Variants in IGFBP7 observed in about 807,000 individuals in gnomAD.
IGFBP7 encodes insulin like growth factor binding protein 7.
IGFBP7 carries 31 observed loss-of-function variants against 29.4 expected under a neutral mutation model. That is an observed-to-expected ratio of 1.05 (90% CI 0.79 to 1.42). The LOEUF (loss-of-function observed/expected upper bound fraction) is 1.42, where lower values mean the gene tolerates loss of function less well. IGFBP7 is among the 40% of genes most tolerant of loss of function. The pLI, the probability that IGFBP7 is intolerant of heterozygous loss-of-function variation, is 0.00. For synonymous variants in IGFBP7, 172 were observed against 174.9 expected (o/e 0.98, Z 0.13); for missense variants, 393 against 395.5 (o/e 0.99, Z 0.05).
In IGFBP7 at chr4:57,031,355, AGAT is replaced by A; in HGVS notation, c.830-22_830-20del. The A allele has an allele frequency of 2.5e-6, 4 of 1,574,150 alleles. No individual in the cohort carries two copies. Among genetic ancestry groups the A allele is most frequent in the African/African-American group, 1.3e-5 (1 of 74,120 alleles). On this transcript the variant is annotated intron_variant, in intron 4 of 4. Coordinates refer to ENST00000295666, the MANE Select transcript of IGFBP7 (RefSeq NM_001553.3). ...CCTTCACCTGTTTAAAAAAAAAAAA[AGAT>A]AAAAATTAGTTACATATGGGGATGT...
At chr4:57,080,778 C>T (rs945036187) in intron 1 of IGFBP7, among the ~76,000 whole-genome samples, 1 of 152,148 alleles carries the variant, frequency 6.6e-6, no homozygotes, top group African/African-American at 2.4e-5. Flanking sequence ...CCGTGCACAC[C>T]GATCCAGGAA....
chr4:57,064,043 C>T (rs1724859708), intron 1 of IGFBP7, among the ~76,000 whole-genome samples: 3 of 152,160 alleles, frequency 2.0e-5, no homozygotes, highest in South Asian at 2.1e-4. Flanking sequence ...TTTAGAGTAA[C>T]GATTGAAAAC....
chr4:57,074,039 A>ATCTC (rs10569950), intron 1 of IGFBP7, among the ~76,000 whole-genome samples: 182 of 107,530 alleles, frequency 1.7e-3, no homozygotes, highest in South Asian at 2.8e-3. Flanking sequence ...TGGAAAATGC[A>ATCTC]TCTCTCTCTC....
intron 1 of IGFBP7, among the ~76,000 whole-genome samples, chr4:57,050,148 A>G (rs1724466866): frequency 1.3e-5 from 2 of 151,956 alleles, no homozygotes; most frequent in Admixed American, 1.3e-4. Flanking sequence ...GGTCTGCTGG[A>G]AGAAAATGAT....
chr4:57,033,693 T>C (rs1041313859), intron 2 of IGFBP7, among the ~76,000 whole-genome samples: 7 of 152,164 alleles, frequency 4.6e-5, no homozygotes, highest in Admixed American at 3.3e-4. Context: ...AGCACTAGGT[T>C]TGATGCTTGG....
At chr4:57,095,731 C>G (rs1458845905) in intron 1 of IGFBP7, among the ~76,000 whole-genome samples, 1 of 152,192 alleles carries the variant, frequency 6.6e-6, no homozygotes, top group East Asian at 1.9e-4. Flanking sequence ...TAGAGAGTAA[C>G]TATAAGGGAT....
intron 1 of IGFBP7, among the ~76,000 whole-genome samples, chr4:57,098,807 G>A (rs1725826858): frequency 6.6e-6 from 1 of 152,200 alleles, no homozygotes; most frequent in Non-Finnish European, 1.5e-5. Context: ...TTGGAAGCCA[G>A]GGGTGCAGTG....
chr4:57,033,062 G>T, intron 3 of IGFBP7, 133 bp downstream of exon 3: 1 of 767,758 alleles, frequency 1.3e-6, no homozygotes, highest in South Asian at 1.4e-5. Flanking sequence ...GCGACTCCAT[G>T]GTAAGGCTAT....
chr4:57,084,893 T>C (rs752503472), intron 1 of IGFBP7, among the ~76,000 whole-genome samples: 1 of 147,166 alleles, frequency 6.8e-6, no homozygotes, highest in Non-Finnish European at 1.5e-5. Context: ...TGGGCTCAGT[T>C]TGTCCTACCA....
intron 1 of IGFBP7, among the ~76,000 whole-genome samples, chr4:57,074,340 C>T (rs777512581): frequency 1.3e-5 from 2 of 152,180 alleles, no homozygotes; most frequent in African/African-American, 4.8e-5. Flanking sequence ...GGATTACAGG[C>T]GTGAGCCACC....
chr4:57,078,014 G>A (rs544443832), intron 1 of IGFBP7, among the ~76,000 whole-genome samples: 1 of 152,138 alleles, frequency 6.6e-6, no homozygotes, highest in African/African-American at 2.4e-5. Context: ...CTTGGTTAAG[G>A]GGGAGCTGGA....
chr4:57,041,577 C>G (rs1169269717), intron 1 of IGFBP7, among the ~76,000 whole-genome samples: 1 of 152,032 alleles, frequency 6.6e-6, no homozygotes, highest in Non-Finnish European at 1.5e-5. Flanking sequence ...ATTCTGCCAC[C>G]CAGGCTGGAG....
intron 1 of IGFBP7, among the ~76,000 whole-genome samples, chr4:57,046,510 G>T (rs1306437595): frequency 6.6e-6 from 1 of 152,122 alleles, no homozygotes; most frequent in Non-Finnish European, 1.5e-5. Flanking sequence ...CTCAAAATCA[G>T]TCCTCAAGGC....
At chr4:57,031,444 TG>T in intron 4 of IGFBP7, 108 bp from the exon 5 acceptor site, 1 of 802,290 alleles carries the variant, frequency 1.2e-6, no homozygotes, top group Non-Finnish European at 2.1e-6. Context: ...TGTTAAAATA[TG>T]GGGATAAAGG....
At chr4:57,083,249 A>G (rs1458756958) in intron 1 of IGFBP7, among the ~76,000 whole-genome samples, 1 of 152,228 alleles carries the variant, frequency 6.6e-6, no homozygotes, top group East Asian at 1.9e-4. Context: ...AAAGCTTGTT[A>G]GGAATTCTGG....
At chr4:57,043,892 G>T (rs982015777) in intron 1 of IGFBP7, among the ~76,000 whole-genome samples, 1 of 152,218 alleles carries the variant, frequency 6.6e-6, no homozygotes, top group East Asian at 1.9e-4. Flanking sequence ...GGGACCCCAA[G>T]GGTTTGGACA....
intron 1 of IGFBP7, among the ~76,000 whole-genome samples, chr4:57,059,056 C>T (rs752367896): frequency 5.3e-5 from 8 of 152,152 alleles, no homozygotes; most frequent in African/African-American, 9.7e-5. Flanking sequence ...TACCATCTTA[C>T]ACCAGTCAGA....
At chr4:57,055,271 C>T (rs1179610178) in intron 1 of IGFBP7, among the ~76,000 whole-genome samples, 1 of 151,968 alleles carries the variant, frequency 6.6e-6, no homozygotes, top group Non-Finnish European at 1.5e-5. Context: ...CTGGGTGTGT[C>T]GAAAAAAATG....
chr4:57,090,887 A>G (rs1725622094), intron 1 of IGFBP7, among the ~76,000 whole-genome samples: 1 of 152,174 alleles, frequency 6.6e-6, no homozygotes, highest in African/African-American at 2.4e-5. Flanking sequence ...GCAACAGTTT[A>G]TTTGATCACC....
Sources: allele counts gnomAD v4.1 joint callset (sites outside exome capture counted in the v4.1 genomes callset), GRCh38; gene constraint gnomAD v4.1.1; transcripts MANE v1.5; gene names NCBI Gene and HGNC (gene_info 2026-07-23, HGNC 2026-07-21).